THRB: variants seen among roughly 807,000 people sequenced by gnomAD.
THRB encodes the protein thyroid hormone receptor beta, also known as nuclear receptor subfamily 1 group A member 2.
In THRB, 12 loss-of-function variants were observed where a neutral mutation model predicts 47.8. The ratio of observed to expected loss-of-function variants is 0.25; its 90% CI spans 0.16 to 0.41. The LOEUF is 0.41. Ranked by LOEUF, THRB falls within the 10% of genes least tolerant of loss-of-function variation. The pLI is 1.00. For missense variants in THRB, 348 were observed against 589.2 expected (o/e 0.59, Z 4.24); for synonymous variants, 218 against 212.2 (o/e 1.03, Z -0.24).
At chr3:24,482,156 A>C (rs975995303) in intron 1 of THRB, among the ~76,000 whole-genome samples, 30 of 152,202 alleles carry the variant, frequency 2.0e-4, no homozygotes, top group Admixed American at 1.3e-4. Context: ...TGCTCCATAC[A>C]TCCAAGGTAC....
At chr3:24,449,471 T>A (rs773971215) in intron 1 of THRB, among the ~76,000 whole-genome samples, 4 of 152,162 alleles carry the variant, frequency 2.6e-5, no homozygotes, top group Non-Finnish European at 4.4e-5. Context: ...AAGACAGCAG[T>A]ACTATATATT....
At chr3:24,293,395 T>A (rs765746961) in intron 3 of THRB, among the ~76,000 whole-genome samples, 2 of 152,200 alleles carry the variant, frequency 1.3e-5, no homozygotes, top group African/African-American at 4.8e-5. Context: ...TTCCCCTTCT[T>A]ACTAAGAAAA....
intron 1 of THRB, among the ~76,000 whole-genome samples, chr3:24,376,122 G>A (rs929281826): frequency 5.9e-4 from 89 of 152,096 alleles, no homozygotes; most frequent in African/African-American, 2.1e-3. Flanking sequence ...TGCTTCAGTT[G>A]CAGTATATTG....
chr3:24,349,936 T>A (rs974248357), intron 1 of THRB, among the ~76,000 whole-genome samples: 1 of 151,938 alleles, frequency 6.6e-6, no homozygotes, highest in African/African-American at 2.4e-5. Context: ...AAGACACCAT[T>A]ATGAGAGTGA....
chr3:24,203,954 G>A (rs2044945519), intron 4 of THRB, among the ~76,000 whole-genome samples: 1 of 152,236 alleles, frequency 6.6e-6, no homozygotes, highest in Admixed American at 6.5e-5. Context: ...CAGCAAGGCT[G>A]GGGGAGGGGC....
intron 3 of THRB, among the ~76,000 whole-genome samples, chr3:24,248,152 T>C (rs181746414): frequency 7.2e-5 from 11 of 152,254 alleles, no homozygotes; most frequent in Admixed American, 6.5e-4. Flanking sequence ...TAGGATATTA[T>C]TCCTATTACT....
intron 5 of THRB, among the ~76,000 whole-genome samples, chr3:24,183,386 A>G (rs1165352351): frequency 1.2e-5 from 1 of 81,232 alleles, no homozygotes; most frequent in Non-Finnish European, 2.2e-5. Context: ...TTTTTTTTTG[A>G]GACAGAGTCT....
intron 1 of THRB, among the ~76,000 whole-genome samples, chr3:24,452,213 T>A (rs1404545936): frequency 3.3e-5 from 5 of 152,212 alleles, no homozygotes; most frequent in Admixed American, 6.5e-5. Flanking sequence ...ACATTAATAT[T>A]TATTTTACCA....
intron 2 of THRB, among the ~76,000 whole-genome samples, chr3:24,331,981 T>C (rs939353500): frequency 6.6e-5 from 10 of 152,168 alleles, no homozygotes; most frequent in African/African-American, 2.4e-4. Context: ...GCTGCCTAAT[T>C]GTGACCAAGT....
intron 3 of THRB, among the ~76,000 whole-genome samples, chr3:24,243,068 GAAAAAAAAAAAAAA>G (rs71057662): frequency 4.3e-5 from 4 of 92,004 alleles, no homozygotes; most frequent in East Asian, 3.5e-4. Flanking sequence ...GCGCACCTTT[GAAAAAAAAAAAAAA>G]AAAAAAAAAA....
chr3:24,174,151 A>G (rs950178110), intron 5 of THRB, among the ~76,000 whole-genome samples: 30 of 152,288 alleles, frequency 2.0e-4, no homozygotes, highest in African/African-American at 7.2e-4. Context: ...TAAGCCGGGC[A>G]TGCATTAGGT....
chr3:24,487,307 T>C (rs2125926890), intron 1 of THRB, among the ~76,000 whole-genome samples: 1 of 152,124 alleles, frequency 6.6e-6, no homozygotes, highest in South Asian at 2.1e-4. Flanking sequence ...CAACCTATTG[T>C]GCTGAACTTT....
At chr3:24,148,484 A>G (rs1466280200) in intron 6 of THRB, among the ~76,000 whole-genome samples, 1 of 152,108 alleles carries the variant, frequency 6.6e-6, no homozygotes, top group African/African-American at 2.4e-5. Context: ...CTGGTCTCCA[A>G]CACCTGGCCT....
At chr3:24,197,994 G>A (rs1442928798) in intron 4 of THRB, among the ~76,000 whole-genome samples, 2 of 152,212 alleles carry the variant, frequency 1.3e-5, no homozygotes, top group African/African-American at 4.8e-5. Context: ...GACTTAATCG[G>A]TTAGTCCACT....
chr3:24,446,168 C>T (rs1039952615), intron 1 of THRB, among the ~76,000 whole-genome samples: 12 of 152,170 alleles, frequency 7.9e-5, no homozygotes, highest in African/African-American at 2.2e-4. Context: ...GCTGGACACA[C>T]TGGTCATGAC....
At chr3:24,288,315 T>C (rs1419094506) in intron 3 of THRB, among the ~76,000 whole-genome samples, 2 of 152,190 alleles carry the variant, frequency 1.3e-5, no homozygotes, top group African/African-American at 4.8e-5. Context: ...TAAACCAACA[T>C]TGTGAGTTTT....
intron 3 of THRB, among the ~76,000 whole-genome samples, chr3:24,232,823 A>G (rs1171728426): frequency 6.6e-6 from 1 of 152,176 alleles, no homozygotes; most frequent in Non-Finnish European, 1.5e-5. Flanking sequence ...AGAGGTAGAA[A>G]CAAGACTTGT....
rs561034348 is a variant in THRB, at chr3:24,217,489, G to A, written c.22+11449C>T. ...ATTACTTCATAAAAGTGGCTTGGCA[G>A]GTAAGATGTTTGAAAGCACGGGGTT... On this transcript the variant is annotated intron_variant, in intron 4 of 10. Coordinates refer to ENST00000646209, the MANE Select transcript of THRB (RefSeq NM_001354712.2). Among the ~76,000 whole-genome samples the A allele has an allele frequency of 2.0e-5, 3 of 152,146 alleles. No individual in the cohort carries two copies. The East Asian group carries it at 5.8e-4, about 29-fold the overall frequency.
intron 4 of THRB, 118 bp from the exon 5 acceptor site, chr3:24,190,452 G>A: frequency 7.9e-7 from 1 of 1,259,082 alleles, no homozygotes; most frequent in Non-Finnish European, 1.2e-6. Flanking sequence ...GTATTCACAT[G>A]CCACTTGACG....
Sources: allele counts gnomAD v4.1 joint callset (sites outside exome capture counted in the v4.1 genomes callset), GRCh38; gene constraint gnomAD v4.1.1; transcripts MANE v1.5; gene names NCBI Gene and HGNC (gene_info 2026-07-23, HGNC 2026-07-21).